The following PTPN21 variants were observed in gnomAD, a reference collection of about 807,000 sequenced individuals.
PTPN21 encodes protein tyrosine phosphatase non-receptor type 21.
A neutral mutation model predicts 131.8 loss-of-function variants in PTPN21; 77 were observed. The observed-to-expected ratio is 0.58, with a 90% CI of 0.49 to 0.71. The LOEUF (loss-of-function observed/expected upper bound fraction) is 0.71, where lower values mean the gene tolerates loss of function less well. Among genes scored for constraint, PTPN21 ranks in the 30% least tolerant of loss-of-function variants. The probability of loss-of-function intolerance (pLI) is 0.00; values close to 1 mark genes in which losing one functional copy is unlikely to be tolerated. For synonymous variants in PTPN21, 715 were observed against 621.3 expected (o/e 1.15, Z -2.24); for missense variants, 1,552 against 1,527.1 (o/e 1.02, Z -0.27).
At chr14:88,544,293 C>T (rs981134587) in intron 2 of PTPN21, among the ~76,000 whole-genome samples, 52 of 152,040 alleles carry the variant, frequency 3.4e-4, no homozygotes, top group African/African-American at 1.2e-3. Flanking sequence ...TGCTGTGAGC[C>T]GAGATCGCGC....
chr14:88,511,781 C>T (rs754506964), intron 3 of PTPN21, among the ~76,000 whole-genome samples: 3 of 152,106 alleles, frequency 2.0e-5, no homozygotes, highest in African/African-American at 4.8e-5. Context: ...GCAAGTATTC[C>T]ATAAACTTGC....
In PTPN21 at chr14:88,467,252, T is replaced by C. The variant is rs2077379148; in HGVS notation, c.*885A>G. 1.3e-5 allele frequency: 2 copies of C among 152,336 alleles called. No individual in the cohort carries two copies. Among genetic ancestry groups the C allele is most frequent in the Admixed American group, 1.3e-4 (2 of 15,304 alleles). The allele number at this position is 152,336 out of a possible 1,614,324, so 9.4% of individuals were successfully genotyped here. On this transcript the variant is annotated 3_prime_UTR_variant, in exon 19 of 19. Transcript: ENST00000556564. ...TGTGTCATCTACAAAGCAACACATA[T>C]ATTAAAACTCAGATTTGTTTTTAAC...
At chr14:88,485,983 A>G in intron 10 of PTPN21, 141 bp from the exon 11 acceptor site, 1 of 603,690 alleles carries the variant, frequency 1.7e-6, no homozygotes, top group Non-Finnish European at 2.8e-6. Context: ...GTCAAAGAAA[A>G]GAAGGGAGGT....
chr14:88,509,872 C>A lies in PTPN21; in HGVS notation c.351-1852G>T, dbSNP rs552478574. 3.3e-5 allele frequency among the ~76,000 whole-genome samples: 5 copies of A among 152,220 alleles called. No individual in the cohort carries two copies. In the South Asian group the frequency reaches 6.2e-4, roughly 19 times the overall value. ...CCAACATGGTGAAACCCCATCTCTA[C>A]TAAAAATACAAAAATTAGCCAGGCG... is the stretch of plus-strand genomic sequence containing the variant. On this transcript the variant is annotated intron_variant, in intron 3 of 18. Transcript: ENST00000556564.
intron 15 of PTPN21, among the ~76,000 whole-genome samples, chr14:88,470,890 A>C (rs2077454446): frequency 6.6e-6 from 1 of 152,074 alleles, no homozygotes; most frequent in African/African-American, 2.4e-5. Context: ...CCCACAACAC[A>C]GCTTATAAAG....
rs577191755 is a variant in PTPN21 at position 88,553,254 on chromosome 14, A to AGT, written c.-203+1395_-203+1396dup. Among the ~76,000 whole-genome samples, 14 of 152,316 alleles carry AGT rather than the reference A, an allele frequency of 9.2e-5. No individual in the cohort carries two copies. The South Asian group carries it at 2.5e-3, about 27-fold the overall frequency. On this transcript the variant is annotated intron_variant, in intron 1 of 18. Transcript: ENST00000556564. ...TGGTAGATGAAATTGAAAAAGTTGC[A>AGT]GTGTGTGTGTACATGGTGCATCCCC...
intron 2 of PTPN21, among the ~76,000 whole-genome samples, chr14:88,523,470 G>C (rs1014350038): frequency 6.6e-6 from 1 of 152,022 alleles, no homozygotes; most frequent in South Asian, 2.1e-4. Context: ...TGAGCATTTA[G>C]GAAAAACCCA....
chr14:88,493,418 G>A (rs575271633), intron 10 of PTPN21, among the ~76,000 whole-genome samples: 1 of 152,278 alleles, frequency 6.6e-6, no homozygotes, highest in Non-Finnish European at 1.5e-5. Flanking sequence ...GCCTGGGCTG[G>A]GGGCATTCAC....
chr14:88,473,501 G>A (rs1321299837), intron 14 of PTPN21, among the ~76,000 whole-genome samples, 164 bp downstream of exon 14: 1 of 152,046 alleles, frequency 6.6e-6, no homozygotes, highest in Non-Finnish European at 1.5e-5. Context: ...TAAGACATTA[G>A]CTATACATTT....
At chr14:88,531,412 C>T (rs913911120) in intron 2 of PTPN21, among the ~76,000 whole-genome samples, 1 of 152,010 alleles carries the variant, frequency 6.6e-6, no homozygotes, top group Non-Finnish European at 1.5e-5. Flanking sequence ...CAAAAATTAG[C>T]CAGGCATGGT....
At chr14:88,550,804 T>C (rs907287587) in intron 1 of PTPN21, among the ~76,000 whole-genome samples, 185 bp from the exon 2 acceptor site, 1 of 152,170 alleles carries the variant, frequency 6.6e-6, no homozygotes, top group African/African-American at 2.4e-5. Flanking sequence ...AGGGTCAGAC[T>C]CCACCCTTCA....
At chr14:88,538,263 C>T (rs866557587) in intron 2 of PTPN21, among the ~76,000 whole-genome samples, 2 of 152,220 alleles carry the variant, frequency 1.3e-5, no homozygotes, top group African/African-American at 2.4e-5. Context: ...ACTGCCTCTA[C>T]CTTTCTCCTT....
Position 88,485,170 on chromosome 14 carries a change from GGA to G in PTPN21, c.994-12_994-11del. 6.4e-7 allele frequency: 1 copy of G among 1,555,262 alleles called. No homozygotes were observed. Among genetic ancestry groups the G allele is most frequent in the Non-Finnish European group, 8.8e-7 (1 of 1,137,276 alleles). On this transcript the variant is annotated splice_polypyrimidine_tract_variant and intron_variant, in intron 11 of 18. Coordinates refer to ENST00000556564, the MANE Select transcript of PTPN21 (RefSeq NM_007039.4). ...AGGGCTGGGGTTTAGGCTAAGAAAT[GGA>G]GAGTTTGACACAGGGTTGAAACACA...
rs1345780492 is a variant in PTPN21 at position 88,554,725 on chromosome 14, C to T, written c.-277G>A. The T allele has an allele frequency of 2.0e-5, 3 of 147,890 alleles. No homozygotes were observed. The East Asian group carries it at 5.9e-4, about 29-fold the overall frequency. The allele number at this position is 147,890 out of a possible 1,614,324, so 9.2% of individuals were successfully genotyped here. ...CGACCCGCCTCCCGGGGCCCCGCCG[C>T]GCGGCCGCCGCAGCCGCACCCGCAC... On this transcript the variant is annotated 5_prime_UTR_variant, in exon 1 of 19. Coordinates refer to ENST00000556564, the MANE Select transcript of PTPN21 (RefSeq NM_007039.4).
chr14:88,497,879 C>T (rs946506698), intron 8 of PTPN21, among the ~76,000 whole-genome samples: 1 of 152,090 alleles, frequency 6.6e-6, no homozygotes, highest in Admixed American at 6.5e-5. Flanking sequence ...GCAGGTGGAT[C>T]ACCTGAGGTC....
At chr14:88,538,242 T>TC (rs2078657238) in intron 2 of PTPN21, among the ~76,000 whole-genome samples, 1 of 152,218 alleles carries the variant, frequency 6.6e-6, no homozygotes, top group Admixed American at 6.5e-5. Context: ...AGCCAGCACT[T>TC]CAACGGACTC....
chr14:88,504,864 T>C (rs1483002113), intron 5 of PTPN21, among the ~76,000 whole-genome samples: 1 of 152,220 alleles, frequency 6.6e-6, no homozygotes, highest in Non-Finnish European at 1.5e-5. Flanking sequence ...TGCAATGCAG[T>C]TTCCATGTCC....
At chr14:88,476,544 A>T (rs1225827008) in intron 13 of PTPN21, among the ~76,000 whole-genome samples, 1 of 152,200 alleles carries the variant, frequency 6.6e-6, no homozygotes, top group African/African-American at 2.4e-5. Context: ...GTAATTCAGG[A>T]GGCATTTTTT....
At chr14:88,501,392 TG>T in intron 6 of PTPN21, 24 bp from the exon 7 acceptor site, 1 of 1,592,290 alleles carries the variant, frequency 6.3e-7, no homozygotes, top group Non-Finnish European at 8.6e-7. Context: ...GAAGCAAGAT[TG>T]TTCACAAAGC....
Sources: allele counts gnomAD v4.1 joint callset (sites outside exome capture counted in the v4.1 genomes callset), GRCh38; gene constraint gnomAD v4.1.1; transcripts MANE v1.5; gene names NCBI Gene and HGNC (gene_info 2026-07-23, HGNC 2026-07-21).